EXOC6: variants seen among roughly 807,000 people sequenced by gnomAD.
EXOC6 encodes exocyst complex component 6.
A neutral mutation model predicts 112.5 loss-of-function variants in EXOC6; 60 were observed. That is an observed-to-expected ratio of 0.53 (90% CI 0.43 to 0.66). EXOC6 has a LOEUF of 0.66. Among genes scored for constraint, EXOC6 ranks in the 30% least tolerant of loss-of-function variants. EXOC6 has a pLI of 0.00. For synonymous variants in EXOC6, 295 were observed against 308.0 expected, an observed-to-expected ratio of 0.96 and a Z score of 0.44; for missense variants, 855 against 957.1, an observed-to-expected ratio of 0.89 and a Z score of 1.41.
chr10:92,942,990 T>G (rs1852752742), intron 13 of EXOC6, among the ~76,000 whole-genome samples: 1 of 152,104 alleles, frequency 6.6e-6, no homozygotes, highest in African/African-American at 2.4e-5. Flanking sequence ...TGACTTCTGC[T>G]TTTAATACTC....
Position 93,009,274 on chromosome 10 carries a change from C to G in EXOC6, c.2096-4920C>G. On this transcript the variant is annotated intron_variant, in intron 19 of 21. Coordinates refer to ENST00000260762, the MANE Select transcript of EXOC6 (RefSeq NM_019053.6). ...GCATGGATATTACATTTCATTATTG[C>G]AGAACATTCTCTTGGACAGCACCAT... 1.3e-5 allele frequency among the ~76,000 whole-genome samples: 2 copies of G among 152,120 alleles called. 1 individual carries two copies.
intron 15 of EXOC6, among the ~76,000 whole-genome samples, chr10:92,952,894 G>A (rs553567802): frequency 6.6e-5 from 10 of 152,204 alleles, no homozygotes; most frequent in African/African-American, 2.4e-4. Flanking sequence ...GTGGGTAGAG[G>A]CCAGGGGTGC....
At chr10:93,034,159 C>T (rs1469753792) in intron 20 of EXOC6, among the ~76,000 whole-genome samples, 1 of 152,116 alleles carries the variant, frequency 6.6e-6, no homozygotes, top group Non-Finnish European at 1.5e-5. Flanking sequence ...ATCTTGATTG[C>T]TAAAGTTAGG....
At chr10:92,859,337 G>C (rs933305390) in intron 1 of EXOC6, among the ~76,000 whole-genome samples, 1 of 152,160 alleles carries the variant, frequency 6.6e-6, no homozygotes, top group Non-Finnish European at 1.5e-5. Context: ...CATATACGCT[G>C]TCACCCTGGA....
At chr10:93,049,836 A>G (rs932908694) in intron 20 of EXOC6, among the ~76,000 whole-genome samples, 4 of 152,268 alleles carry the variant, frequency 2.6e-5, no homozygotes, top group Non-Finnish European at 4.4e-5. Flanking sequence ...TCAAAGTGCT[A>G]GGATTACAGG....
intron 1 of EXOC6, among the ~76,000 whole-genome samples, chr10:92,878,919 A>C (rs1431910686): frequency 6.6e-6 from 1 of 152,192 alleles, no homozygotes; most frequent in African/African-American, 2.4e-5. Context: ...CAACAAACTG[A>C]GGCCACTTGT....
upstream of EXOC6, among the ~76,000 whole-genome samples, chr10:92,848,284 G>A (rs1216918909): frequency 6.6e-6 from 1 of 152,110 alleles, no homozygotes; most frequent in Non-Finnish European, 1.5e-5. Flanking sequence ...GACTAGTCGC[G>A]AGAGAGGGCA....
At chr10:92,960,693 T>A (rs1310357475) in intron 17 of EXOC6, among the ~76,000 whole-genome samples, 1 of 151,912 alleles carries the variant, frequency 6.6e-6, no homozygotes, top group Non-Finnish European at 1.5e-5. Flanking sequence ...CCTTTGTCAC[T>A]ATCTTTTTTC....
chr10:92,896,441 C>T (rs2133827300), intron 4 of EXOC6, among the ~76,000 whole-genome samples: 1 of 148,890 alleles, frequency 6.7e-6, no homozygotes, highest in South Asian at 2.1e-4. Context: ...AAATGATCTG[C>T]CTGCCTCGGC....
rs41290180 is a variant in EXOC6 at position 92,973,985 on chromosome 10, C to A, written c.1774-68C>A. ...ACCAAAGGTAAATGTAAAATAATAT[C>A]TAGAATTGTAAGAACACTTGTTTTA... On this transcript the variant is annotated intron_variant, in intron 17 of 21. Transcript: ENST00000260762. 3.3e-3 allele frequency: 4,083 copies of A among 1,227,700 alleles called. 10 individuals are homozygous for A. The highest frequency in any genetic ancestry group is 4.2e-3 in the Non-Finnish European group (3,724 of 890,412). 76.1% of individuals were successfully genotyped at this position (1,227,700 alleles called of 1,614,324 possible).
chr10:92,961,288 G>A (rs1280291680), intron 17 of EXOC6, among the ~76,000 whole-genome samples: 1 of 152,024 alleles, frequency 6.6e-6, no homozygotes, highest in East Asian at 1.9e-4. Flanking sequence ...ATTTTATTGT[G>A]TATGCAATTT....
chr10:93,035,272 A>G (rs986448708), intron 20 of EXOC6, among the ~76,000 whole-genome samples: 1 of 152,220 alleles, frequency 6.6e-6, no homozygotes, highest in Non-Finnish European at 1.5e-5. Flanking sequence ...ATAGGTGCTT[A>G]TGCCTTCAGC....
chr10:93,041,911 G>A lies in EXOC6; in HGVS notation c.2170-15013G>A, dbSNP rs146650037. Among the ~76,000 whole-genome samples, 533 of 152,206 alleles carry A rather than the reference G, an allele frequency of 3.5e-3. 4 individuals carry two copies. The highest frequency in any genetic ancestry group is 0.012 in the African/African-American group (511 of 41,506). ...ATTTTTGTAGAGAGAGGATTTTACT[G>A]TGTTGGCCAGGCTGGTCTTGAACTG... On this transcript the variant is annotated intron_variant, in intron 20 of 21. Coordinates refer to ENST00000260762, the MANE Select transcript of EXOC6 (RefSeq NM_019053.6).
chr10:92,862,082 A>G (rs1847937402), intron 1 of EXOC6, among the ~76,000 whole-genome samples: 1 of 152,190 alleles, frequency 6.6e-6, no homozygotes, highest in Non-Finnish European at 1.5e-5. Context: ...CATCGTCTCT[A>G]TCTAGTTTTA....
intron 20 of EXOC6, among the ~76,000 whole-genome samples, chr10:93,053,912 A>G (rs1590121284): frequency 6.6e-6 from 1 of 152,230 alleles, no homozygotes; most frequent in African/African-American, 2.4e-5. Flanking sequence ...TGCTGGCTCC[A>G]TCTTTGCTCT....
intron 20 of EXOC6, among the ~76,000 whole-genome samples, chr10:93,056,672 A>T (rs1846554657): frequency 6.6e-6 from 1 of 152,172 alleles, no homozygotes; most frequent in African/African-American, 2.4e-5. Flanking sequence ...CATTGTTTTC[A>T]TTATTTTACA....
At chr10:92,886,552 A>G (rs1849227629) in intron 1 of EXOC6, among the ~76,000 whole-genome samples, 1 of 152,192 alleles carries the variant, frequency 6.6e-6, no homozygotes, top group South Asian at 2.1e-4. Flanking sequence ...GCTTATCACC[A>G]TTTCTGACTG....
At chr10:92,954,056 G>C (rs1308260893) in intron 15 of EXOC6, among the ~76,000 whole-genome samples, 1 of 152,156 alleles carries the variant, frequency 6.6e-6, no homozygotes, top group African/African-American at 2.4e-5. Flanking sequence ...CAAGGTGGGA[G>C]AATTACTTGA....
At chr10:93,032,391 C>T (rs1378908764) in intron 20 of EXOC6, among the ~76,000 whole-genome samples, 2 of 152,162 alleles carry the variant, frequency 1.3e-5, no homozygotes, top group Admixed American at 6.5e-5. Context: ...CATGCCTTTA[C>T]GTCAGGGGTT....
Sources: gnomAD v4.1 joint callset for allele counts (sites outside exome capture counted in the v4.1 genomes callset) on GRCh38, gnomAD v4.1.1 for gene constraint, MANE v1.5 for transcripts, NCBI Gene and HGNC (gene_info 2026-07-23, HGNC 2026-07-21) for gene names.